The following CENPP variants were observed in gnomAD, a reference collection of about 807,000 sequenced individuals.
The protein encoded by CENPP is centromere protein P.
Under a neutral mutation model 35.6 loss-of-function variants are expected in CENPP, and 24 were observed. The ratio of observed to expected loss-of-function variants is 0.67; its 90% confidence interval spans 0.49 to 0.95. The LOEUF is 0.95. Among genes scored for constraint, CENPP ranks in the 40% least tolerant of loss-of-function variants. The probability of loss-of-function intolerance (pLI) is 0.00; values close to 1 mark genes in which losing one functional copy is unlikely to be tolerated. For synonymous variants in CENPP, 120 were observed against 125.5 expected, an observed-to-expected ratio of 0.96 and a Z score of 0.29; for missense variants, 332 against 345.3, an observed-to-expected ratio of 0.96 and a Z score of 0.31.
chr9:92,611,265 C>G (rs1851235211), intron 5 of CENPP, 49 bp from the exon 6 acceptor site: 1 of 1,510,136 alleles, frequency 6.6e-7, no homozygotes, highest in East Asian at 2.3e-5. Context: ...CCCATGGCCC[C>G]TTTCTCCCCA....
chr9:92,335,947 A>G (rs1406756268), intron 2 of CENPP, among the ~76,000 whole-genome samples: 2 of 152,208 alleles, frequency 1.3e-5, no homozygotes, highest in African/African-American at 4.8e-5. Flanking sequence ...ATTGGATTGC[A>G]TTGAATGTAC....
At chr9:92,414,935 G>A (rs1402478250) in intron 5 of CENPP, 2 of 349,586 alleles carry the variant, frequency 5.7e-6, no homozygotes, top group Non-Finnish European at 1.0e-5. Flanking sequence ...ATTCCCACTT[G>A]TCATTCTAAT....
At chr9:92,403,875 A>G in intron 5 of CENPP, 1 of 197,392 alleles carries the variant, frequency 5.1e-6, no homozygotes, top group Non-Finnish European at 9.1e-6. Flanking sequence ...TATTGGTATG[A>G]ACAGAAACAA....
chr9:92,514,624 C>T (rs763748198), intron 5 of CENPP: 5 of 1,561,226 alleles, frequency 3.2e-6, no homozygotes, highest in Non-Finnish European at 4.3e-6. Flanking sequence ...AAGTCAACAT[C>T]TCTTACCAGT....
chr9:92,583,680 A>T (rs1451776211), intron 5 of CENPP, among the ~76,000 whole-genome samples: 1 of 151,470 alleles, frequency 6.6e-6, no homozygotes, highest in Non-Finnish European at 1.5e-5. Flanking sequence ...AGCTATACTT[A>T]GGCATAGTCC....
At chr9:92,457,536 C>T (rs559548331) in intron 5 of CENPP, 44 of 1,330,212 alleles carry the variant, frequency 3.3e-5, no homozygotes, top group African/African-American at 2.9e-4. Flanking sequence ...TAAATGTAAA[C>T]GGAAGATACT....
At chr9:92,600,497 T>C (rs1340806869) in intron 5 of CENPP, 3 of 1,612,788 alleles carry the variant, frequency 1.9e-6, no homozygotes, top group Non-Finnish European at 2.5e-6. Flanking sequence ...TCTGCAAAGG[T>C]CTGGAGATGA....
intron 5 of CENPP, among the ~76,000 whole-genome samples, chr9:92,511,745 G>A (rs912509825): frequency 6.6e-6 from 1 of 152,164 alleles, no homozygotes; most frequent in South Asian, 2.1e-4. Context: ...AGTTACTTGG[G>A]AAGAAACTAC....
intron 5 of CENPP, among the ~76,000 whole-genome samples, chr9:92,467,294 G>T (rs1845350904): frequency 6.6e-6 from 1 of 152,164 alleles, no homozygotes; most frequent in Non-Finnish European, 1.5e-5. Context: ...TGGCTGCTTG[G>T]GTGACCAGCC....
intron 5 of CENPP, among the ~76,000 whole-genome samples, chr9:92,532,247 A>AT (rs991052303): frequency 3.3e-5 from 5 of 150,596 alleles, no homozygotes; most frequent in African/African-American, 7.3e-5. Context: ...TTTAAAAGTA[A>AT]TTTTTTTTCT....
In CENPP at chr9:92,616,070, A is replaced by G. The variant is rs1490224799; in HGVS notation, c.*2921A>G. 6.2e-7 allele frequency: 1 copy of G among 1,600,630 alleles called. No homozygotes were observed. The highest frequency in any genetic ancestry group is 1.3e-5 in the African/African-American group (1 of 74,650). ...CCTTTGATCAGAGCTGCAAGTAAAA[A>G]GTACCATTTCAGGATACACAAGCCC... On this transcript the variant is annotated 3_prime_UTR_variant, in exon 8 of 8. Transcript: ENST00000375587.
At chr9:92,533,578 C>T (rs184968609) in intron 5 of CENPP, among the ~76,000 whole-genome samples, 3 of 151,778 alleles carry the variant, frequency 2.0e-5, no homozygotes, top group African/African-American at 7.2e-5. Flanking sequence ...GTTTTTCTCA[C>T]CCTTTCTAGT....
chr9:92,587,470 C>CA (rs201815847), intron 5 of CENPP, among the ~76,000 whole-genome samples: 4 of 146,924 alleles, frequency 2.7e-5, no homozygotes, highest in Non-Finnish European at 4.5e-5. Flanking sequence ...ATTGCCATCT[C>CA]AAAAAAAAGG....
chr9:92,511,164 C>T (rs1052885927), intron 5 of CENPP, among the ~76,000 whole-genome samples: 3 of 152,148 alleles, frequency 2.0e-5, no homozygotes, highest in South Asian at 2.1e-4. Context: ...CTTCCTCTGT[C>T]GCCCAGGCTG....
intron 5 of CENPP, among the ~76,000 whole-genome samples, chr9:92,601,762 GAC>G (rs1465854519): frequency 6.6e-6 from 1 of 152,200 alleles, no homozygotes; most frequent in Non-Finnish European, 1.5e-5. Context: ...AGGGTGAAGG[GAC>G]ACAGTCTCTC....
chr9:92,332,258 G>A lies in CENPP; in HGVS notation c.196G>A (p.Glu66Lys). The A allele has an allele frequency of 6.2e-7, 1 of 1,612,736 alleles. No homozygotes were observed. The highest frequency in any genetic ancestry group is 1.1e-5 in the South Asian group (1 of 90,884). Reference protein sequence around the residue: ...LKNQLGHLESELSFLSTLTGI... With the variant: ...LKNQLGHLESKLSFLSTLTGI... ...AAATCAGCTTGGACATTTAGAATCA[G>A]AACTTTCATTTCTAAGTACGCTTAC... The change falls in exon 2 of 8, where the codon GAA becomes AAA. Residue 66 changes from glutamate to lysine, a missense_variant. By Grantham distance (56) the Glu-to-Lys change is moderately conservative (BLOSUM62 1). Coordinates refer to ENST00000375587, the MANE Select transcript of CENPP (RefSeq NM_001012267.3).
chr9:92,512,663 A>G (rs1217337143), intron 5 of CENPP, among the ~76,000 whole-genome samples: 10 of 152,148 alleles, frequency 6.6e-5, no homozygotes, highest in Admixed American at 6.5e-4. Context: ...GCTTCAATCT[A>G]CAAAGGTTCC....
At chr9:92,515,500 A>G (rs1481711849) in intron 5 of CENPP, among the ~76,000 whole-genome samples, 1 of 152,210 alleles carries the variant, frequency 6.6e-6, no homozygotes, top group Non-Finnish European at 1.5e-5. Context: ...AGGAGGGAAT[A>G]ATATTGCCAC....
intron 5 of CENPP, among the ~76,000 whole-genome samples, chr9:92,485,813 G>A (rs1846042817): frequency 1.3e-5 from 2 of 152,196 alleles, no homozygotes; most frequent in South Asian, 2.1e-4. Flanking sequence ...TTACAGGTGG[G>A]AACCACCTGC....
Sources: allele counts gnomAD v4.1 joint callset (sites outside exome capture counted in the v4.1 genomes callset), GRCh38; gene constraint gnomAD v4.1.1; transcripts MANE v1.5; gene names NCBI Gene and HGNC (gene_info 2026-07-23, HGNC 2026-07-21).